Variants in INTS1 observed in about 807,000 individuals in gnomAD.
The protein encoded by INTS1 is integrator complex subunit 1.
Under a neutral mutation model 241.6 loss-of-function variants are expected in INTS1, and 137 were observed. The observed-to-expected ratio is 0.57, with a 90% confidence interval of 0.49 to 0.65. The LOEUF (loss-of-function observed/expected upper bound fraction) is 0.65, where lower values mean the gene tolerates loss of function less well. Ranked by LOEUF, INTS1 falls within the 30% of genes least tolerant of loss-of-function variation. The probability of loss-of-function intolerance (pLI) is 0.00; values close to 1 mark genes in which losing one functional copy is unlikely to be tolerated. For missense variants in INTS1, 3,073 were observed against 3,032.2 expected (o/e 1.01, Z -0.32); for synonymous variants, 1,692 against 1,337.8 (o/e 1.26, Z -5.78).
In INTS1 at chr7:1,503,907, G is replaced by A. The variant is rs546723646; in HGVS notation, c.54C>T (p.Pro18=). ...TVRRPSAAAK[P]SGHPPPGDFI... ...AGAGCGAGGAGGGAGACGCACCTGAGGGTTTGGCCGCGGCGCTGGGCCGGC... is the reference window on the plus strand; with the variant it reads ...AGAGCGAGGAGGGAGACGCACCTGAAGGTTTGGCCGCGGCGCTGGGCCGGC... Residue 18 remains proline, a synonymous_variant, in exon 2 of 48, where the codon CCC becomes CCT. Transcript: ENST00000404767. 6.9e-5 allele frequency: 108 copies of A among 1,569,896 alleles called. No individual in the cohort carries two copies. Among genetic ancestry groups the A allele is most frequent in the Non-Finnish European group, 9.2e-5 (106 of 1,158,430 alleles).
rs554898350 is a variant in INTS1, at chr7:1,479,221, C to A, written c.4329+209G>T. Among the ~76,000 whole-genome samples the A allele has an allele frequency of 3.9e-5, 6 of 152,340 alleles. No homozygotes were observed. The South Asian group carries it at 1.2e-3, about 32-fold the overall frequency. ...GCCGAGCCTGGGTGGTGCAAACAGG[C>A]GGACGCCGCACTGCCCCCACCTCCC... On this transcript the variant is annotated intron_variant, in intron 31 of 47. Transcript: ENST00000404767.
Position 1,475,323 on chromosome 7 carries a change from T to C in INTS1, c.5503-485A>G, listed in dbSNP as rs566999040. On this transcript the variant is annotated intron_variant, in intron 39 of 47. Transcript: ENST00000404767. ...TCACTTGAGCACAGGGGGTTGAGGC[T>C]GCAGTGAGCTATGATGGTACCGCTG... Among the ~76,000 whole-genome samples the C allele has an allele frequency of 1.4e-4, 21 of 152,170 alleles. No individual in the cohort carries two copies. In the East Asian group the frequency reaches 3.1e-3, roughly 22 times the overall value.
chr7:1,487,264 A>T, intron 20 of INTS1, 56 bp downstream of exon 20: 2 of 1,547,104 alleles, frequency 1.3e-6, no homozygotes, highest in Non-Finnish European at 1.7e-6. Flanking sequence ...AGGCCTCCGG[A>T]AGGTTCCGGG....
chr7:1,486,545 G>A lies in INTS1; in HGVS notation c.2976+80C>T, dbSNP rs6969991. On this transcript the variant is annotated intron_variant, in intron 22 of 47. Coordinates refer to ENST00000404767, the MANE Select transcript of INTS1 (RefSeq NM_001080453.3). ...CTCCCAAAGTGCTGGGATGACAGGC[G>A]TGAGCCACCGTGCCCGGTCCCCAGC... 650,367 of 1,476,708 alleles carry A rather than the reference G, an allele frequency of 0.44. 148,169 individuals are homozygous for A. The highest frequency in any genetic ancestry group is 0.73 in the East Asian group (29,654 of 40,544). 91.5% of individuals were successfully genotyped at this position (1,476,708 alleles called of 1,614,324 possible).
chr7:1,486,796 C>A, intron 21 of INTS1, 22 bp from the exon 22 acceptor site: 1 of 1,610,036 alleles, frequency 6.2e-7, no homozygotes, highest in East Asian at 2.2e-5. Context: ...AAGGGGCTCT[C>A]AGGGGTGCAG....
At chr7:1,471,529 G>T in intron 45 of INTS1, 42 bp downstream of exon 45, 1 of 1,596,266 alleles carries the variant, frequency 6.3e-7, no homozygotes. Flanking sequence ...TTCCCCAAGG[G>T]AGTGGCTCCT....
At chr7:1,490,757 G>C (rs189918814) in intron 16 of INTS1, among the ~76,000 whole-genome samples, 62 of 152,330 alleles carry the variant, frequency 4.1e-4, no homozygotes, top group African/African-American at 1.4e-3. Context: ...AAAGGACCTA[G>C]AACAGCCAAA....
rs781044517 is a variant in INTS1 at position 1,493,774 on chromosome 7, G to A, written c.2048C>T (p.Ala683Val). Residue 683 changes from alanine (A) to valine (V), a missense_variant, in exon 15 of 48, where the codon GCG becomes GTG. Ala to Val is a moderately conservative substitution (Grantham distance 64, BLOSUM62 0). Transcript: ENST00000404767. The surrounding 1 kb of genome is among the most constrained non-coding windows in gnomAD (Gnocchi z 5.3). ...MELADHLVKR[A>V]AAVQADDVEV... ...CATACCATCCGCCTGCACGGCAGCC[G>A]CCCGCTTCACCAGGTGGTCAGCAAG... The A allele has an allele frequency of 2.9e-5, 45 of 1,578,432 alleles. No individual in the cohort carries two copies. Among genetic ancestry groups the A allele is most frequent in the Middle Eastern group, 3.4e-4 (2 of 5,956 alleles).
At position 1,493,884 on chromosome 7, in the gene INTS1, C is replaced by T. The variant is rs566658843; in HGVS notation, c.1938G>A (p.Val646=). 2 of 1,562,912 alleles carry T rather than the reference C, an allele frequency of 1.3e-6. No individual in the cohort carries two copies. The highest frequency in any genetic ancestry group is 1.4e-5 in the African/African-American group (1 of 73,522). ...GCATCAGCGTGTCCTCCAAAATGGG[C>T]ACCTCGGAGCACAGACGCAGGAAGA... ...RNFFLRLCSE[V]PILEDTLMRI... Residue 646 remains valine, a synonymous_variant, in exon 15 of 48, where the codon GTG becomes GTA. Transcript: ENST00000404767. The surrounding 1 kb of genome is among the most constrained non-coding windows in gnomAD (Gnocchi z 5.3).
At chr7:1,479,719 G>C in intron 30 of INTS1, 35 bp from the exon 31 acceptor site, 1 of 1,443,546 alleles carries the variant, frequency 6.9e-7, no homozygotes, top group Non-Finnish European at 9.1e-7. Flanking sequence ...GGAGGAAGCG[G>C]AGGAGAAGGA....
chr7:1,486,885 TGA>T (rs758613351), intron 21 of INTS1, 35 bp downstream of exon 21: 4 of 1,505,524 alleles, frequency 2.7e-6, no homozygotes, highest in African/African-American at 3.3e-5. Context: ...GGGTGCGGGG[TGA>T]GAGGCGGGGG....
In INTS1 at chr7:1,487,812, T is replaced by C; in HGVS notation, c.2464A>G (p.Ile822Val). Residue 822 changes from isoleucine to valine, a missense_variant, in exon 19 of 48, where the codon ATC (isoleucine) becomes GTC (valine). Ile to Val is a conservative substitution (Grantham distance 29). Coordinates refer to ENST00000404767, the MANE Select transcript of INTS1 (RefSeq NM_001080453.3). ...HLAAASTKQT[I>V]TESSSLLLSQ... ...AGGAGGAGGCTGCTGCTCTCAGTGA[T>C]GGTCTGCTTGGTGGACGCGGCCGCC... 6.2e-7 allele frequency: 1 copy of C among 1,612,598 alleles called. No individual in the cohort carries two copies. Among genetic ancestry groups the C allele is most frequent in the Non-Finnish European group, 8.5e-7 (1 of 1,179,822 alleles).
rs528279758 is a variant in INTS1 at position 1,483,575 on chromosome 7, G to A, written c.3541+167C>T. 2.8e-5 allele frequency: 19 copies of A among 668,350 alleles called. No homozygotes were observed. The African/African-American group carries it at 3.0e-4, about 11-fold the overall frequency. 41.4% of individuals were successfully genotyped at this position (668,350 alleles called of 1,614,324 possible). ...TCCACCAAGTGCTCAGAGACACGCG[G>A]GACGGACTGCAGCCTCCTCTTTAGG... On this transcript the variant is annotated intron_variant, in intron 26 of 47. Coordinates refer to ENST00000404767, the MANE Select transcript of INTS1 (RefSeq NM_001080453.3).
At chr7:1,503,294 C>G in intron 2 of INTS1, 103 bp from the exon 3 acceptor site, 1 of 1,269,196 alleles carries the variant, frequency 7.9e-7, no homozygotes, top group Non-Finnish European at 1.1e-6. Context: ...AAACAAGGGT[C>G]AGAGGAGGCA....
intron 14 of INTS1, 131 bp downstream of exon 14, chr7:1,494,685 G>C: frequency 1.2e-6 from 1 of 839,294 alleles, no homozygotes; most frequent in Non-Finnish European, 1.9e-6. Flanking sequence ...TTGTGGAGGA[G>C]GAGCAGGATG....
chr7:1,476,209 G>C lies in INTS1; in HGVS notation c.5378+20C>G. The C allele has an allele frequency of 1.3e-6, 2 of 1,543,784 alleles. No homozygotes were observed. The highest frequency in any genetic ancestry group is 1.7e-6 in the Non-Finnish European group (2 of 1,145,602). ...ATGGCTCACTCCCAGGCAGCATCTG[G>C]GGCCGGGGGGCCTGAGCACCTGTCT... On this transcript the variant is annotated intron_variant, in intron 38 of 47. Coordinates refer to ENST00000404767, the MANE Select transcript of INTS1 (RefSeq NM_001080453.3).
intron 1 of INTS1, 55 bp downstream of exon 1, chr7:1,504,268 G>A (rs984668705): frequency 8.5e-6 from 5 of 585,172 alleles, no homozygotes; most frequent in African/African-American, 2.0e-5. Flanking sequence ...CGGTAGCCGG[G>A]AGAACCAGGC....
chr7:1,483,712 C>G, intron 26 of INTS1, 30 bp downstream of exon 26: 7 of 1,566,550 alleles, frequency 4.5e-6, no homozygotes, highest in Non-Finnish European at 6.1e-6. Context: ...TGGCACGAAG[C>G]TGCCCCTCCC....
chr7:1,479,511 T>C lies in INTS1; in HGVS notation c.4248A>G (p.Pro1416=). The C allele has an allele frequency of 6.4e-7, 1 of 1,570,126 alleles. No homozygotes were observed. The change falls in exon 31 of 48, where the codon CCA becomes CCG. Residue 1416 remains proline, a synonymous_variant. Coordinates refer to ENST00000404767, the MANE Select transcript of INTS1 (RefSeq NM_001080453.3). ...TGGACATCACCAGGGCACCGCCGTG[T>C]GGGGAGCTGAGCAGGGTGGCGAGGG... The part of the protein sequence containing the change: ...LQALATLLSS[P]HGGALVMSMH...
Sources: allele counts gnomAD v4.1 joint callset (sites outside exome capture counted in the v4.1 genomes callset), GRCh38; gene constraint gnomAD v4.1.1; non-coding constraint Gnocchi (gnomAD v3.1); transcripts MANE v1.5; gene names NCBI Gene and HGNC (gene_info 2026-07-23, HGNC 2026-07-21).